The following ZNF24 variants were observed in gnomAD, a reference collection of about 807,000 sequenced individuals.
The protein encoded by ZNF24 is retinoic acid suppression protein A.
In ZNF24, 11 loss-of-function variants were observed where a neutral mutation model predicts 40.9. That is an observed-to-expected ratio of 0.27 (90% CI 0.17 to 0.45). ZNF24 has a LOEUF of 0.45. ZNF24 is among the 20% of genes least tolerant of loss of function. ZNF24 has a pLI of 1.00. For missense variants in ZNF24, 293 were observed against 437.7 expected (o/e 0.67, Z 2.95); for synonymous variants, 139 against 154.7 (o/e 0.90, Z 0.75).
Position 35,339,887 on chromosome 18 carries a change from A to C in ZNF24, c.510T>G (p.Asp170Glu). Residue 170 changes from aspartate to glutamate, a missense_variant, in exon 3 of 4, where the codon GAT (aspartate) becomes GAG (glutamate). Physicochemically the swap from Asp to Glu is conservative, Grantham distance 45. This residue lies in a region of ZNF24 where 234 missense variants were observed against 299.2 expected (regional missense o/e 0.78). Transcript: ENST00000261332. ...EAQGLPSSEL[D>E]AVENQLKWAS... ...CCCACTTGAGCTGGTTCTCCACAGC[A>C]TCAAGCTCAGAACTTGGTAATCCCT... is the stretch of plus-strand genomic sequence containing the variant. 1.2e-6 allele frequency: 2 copies of C among 1,613,352 alleles called. No homozygotes were observed. The highest frequency in any genetic ancestry group is 1.7e-6 in the Non-Finnish European group (2 of 1,179,302).
intron 3 of ZNF24, 98 bp downstream of exon 3, chr18:35,339,731 G>A: frequency 2.7e-6 from 3 of 1,110,128 alleles, no homozygotes; most frequent in Non-Finnish European, 2.5e-6. Context: ...TAGATTAAGA[G>A]TGATATGATC....
intron 1 of ZNF24, among the ~76,000 whole-genome samples, chr18:35,341,077 T>A (rs1439911868): frequency 6.6e-6 from 1 of 152,152 alleles, no homozygotes; most frequent in Non-Finnish European, 1.5e-5. Flanking sequence ...GAAAATGATA[T>A]GAAATTAACA....
At chr18:35,338,211 A>C (rs1436623639) in intron 3 of ZNF24, 2 of 986,112 alleles carry the variant, frequency 2.0e-6, no homozygotes, top group Non-Finnish European at 1.2e-6. Context: ...AACATGTCAG[A>C]AAGTGGCTAT....
chr18:35,335,341 TATC>T lies in ZNF24; in HGVS notation c.*1888_*1890del, dbSNP rs1382627593. On this transcript the variant is annotated 3_prime_UTR_variant, in exon 4 of 4. Transcript: ENST00000261332. ...TTCTTGTATAACTTAAAATACATTA[TATC>T]ATTACTACATATTTATACTTCAATA... 2.6e-5 allele frequency: 4 copies of T among 152,212 alleles called. No homozygotes were observed. Among genetic ancestry groups the T allele is most frequent in the Admixed American group, 2.0e-4 (3 of 15,280 alleles). 9.4% of individuals were successfully genotyped at this position (152,212 alleles called of 1,614,324 possible).
intron 1 of ZNF24, among the ~76,000 whole-genome samples, chr18:35,342,095 T>C (rs573639389): frequency 5.9e-4 from 90 of 151,754 alleles, no homozygotes; most frequent in Middle Eastern, 6.8e-3. Flanking sequence ...ACTGGGGAGA[T>C]TGAGGCAGGA....
chr18:35,337,592 T>C lies in ZNF24; in HGVS notation c.747A>G (p.Lys249=). The part of the protein sequence containing the change: ...FERKRNPSRK[K]QHICDECGKH... Reference sequence around the variant, plus strand: ...TTCCACATTCATCACATATATGTTGTTTCTTTCGAGAGGGATTTCTCTTTC... The same window carrying C: ...TTCCACATTCATCACATATATGTTGCTTCTTTCGAGAGGGATTTCTCTTTC... Residue 249 remains lysine (K), a synonymous_variant, in exon 4 of 4, where the codon AAA becomes AAG. Coordinates refer to ENST00000261332, the MANE Select transcript of ZNF24 (RefSeq NM_006965.4). The C allele has an allele frequency of 2.5e-6, 4 of 1,614,172 alleles. No individual in the cohort carries two copies. Among genetic ancestry groups the C allele is most frequent in the Non-Finnish European group, 2.5e-6 (3 of 1,180,004 alleles).
rs866833258 is a variant in ZNF24, at chr18:35,335,520, C to T, written c.*1712G>A. On this transcript the variant is annotated 3_prime_UTR_variant, in exon 4 of 4. Transcript: ENST00000261332. Reference sequence around the variant, plus strand: ...CAAAATCTCACCTTCCATTTTTAAACTTGATCCAAGCACCAGATATAACCA... The same window carrying T: ...CAAAATCTCACCTTCCATTTTTAAATTTGATCCAAGCACCAGATATAACCA... The T allele has an allele frequency of 6.6e-6, 1 of 152,086 alleles. No homozygotes were observed. The highest frequency in any genetic ancestry group is 6.6e-5 in the Admixed American group (1 of 15,260). 9.4% of individuals were successfully genotyped at this position (152,086 alleles called of 1,614,324 possible). A position where few individuals can be genotyped will look rare whatever the true frequency, so the allele number is the denominator to read the frequency against.
At position 35,333,378 on chromosome 18, in the gene ZNF24, T is replaced by G. The variant is rs1405686051; in HGVS notation, c.*3854A>C. 6.6e-6 allele frequency: 1 copy of G among 152,186 alleles called. No individual in the cohort carries two copies. The highest frequency in any genetic ancestry group is 2.4e-5 in the African/African-American group (1 of 41,448). 9.4% of individuals were successfully genotyped at this position (152,186 alleles called of 1,614,324 possible). On this transcript the variant is annotated 3_prime_UTR_variant, in exon 4 of 4. Coordinates refer to ENST00000261332, the MANE Select transcript of ZNF24 (RefSeq NM_006965.4). ...TTCGTACGGAAAGGTGACTAGAGGA[T>G]GTATGTTAAACTGTGGTAAGTGGAA...
rs2044919847 is a variant in ZNF24 at position 35,337,223 on chromosome 18, T to C, written c.*9A>G. 1 of 1,430,156 alleles carries C rather than the reference T, an allele frequency of 7.0e-7. No individual in the cohort carries two copies. Among genetic ancestry groups the C allele is most frequent in the African/African-American group, 1.4e-5 (1 of 70,120 alleles). 88.6% of individuals were successfully genotyped at this position (1,430,156 alleles called of 1,614,324 possible). ...CCTGAGTGCTGATTCTTTTTTTTTT[T>C]TCAATTTCTTAAACTTTCACAACAT... On this transcript the variant is annotated 3_prime_UTR_variant, in exon 4 of 4. Transcript: ENST00000261332.
intron 3 of ZNF24, chr18:35,338,734 G>T (rs2044936735): frequency 8.4e-7 from 1 of 1,189,830 alleles, no homozygotes; most frequent in Non-Finnish European, 1.0e-6. Flanking sequence ...AGAGGAGCGT[G>T]AAGATTAAGT....
At chr18:35,337,935 T>A in intron 3 of ZNF24, 165 bp from the exon 4 acceptor site, 1 of 596,900 alleles carries the variant, frequency 1.7e-6, no homozygotes, top group Non-Finnish European at 2.7e-6. Flanking sequence ...GAAATTACTC[T>A]GAATAACAGT....
intron 1 of ZNF24, chr18:35,342,564 A>G (rs1030954550): frequency 8.6e-5 from 13 of 150,920 alleles, no homozygotes; most frequent in African/African-American, 3.2e-4. Context: ...CAAACATTTT[A>G]TATCATATTT....
intron 1 of ZNF24, among the ~76,000 whole-genome samples, chr18:35,343,351 T>TA (rs1410729779): frequency 1.3e-5 from 2 of 152,190 alleles, no homozygotes; most frequent in Non-Finnish European, 2.9e-5. Context: ...GTCTTGTCCT[T>TA]ACACTGGAGG....
rs765313707 is a variant in ZNF24, at chr18:35,340,664, A to G, written c.-14T>C. On this transcript the variant is annotated 5_prime_UTR_variant, in exon 2 of 4. Transcript: ENST00000261332. This position sits in a 1 kb window ranked among gnomAD's most constrained non-coding sequence, Gnocchi z 4.6. The stretch of plus-strand genomic sequence containing the variant: ...CTGTGCAGACATTCTGATTTATAAT[A>G]TTTCAAGAAAAGACAACTGAGGCAG... 67 of 1,603,314 alleles carry G rather than the reference A, an allele frequency of 4.2e-5. No homozygotes were observed. Among genetic ancestry groups the G allele is most frequent in the Non-Finnish European group, 5.4e-5 (64 of 1,175,534 alleles).
At position 35,337,669 on chromosome 18, in the gene ZNF24, G is replaced by T. The variant is rs753280888; in HGVS notation, c.670C>A (p.Pro224Thr). ...GTTTCTCCATATTTAAAAATTTGAGGAACACCCATATTGAGAGTGCCAGGA... is the reference window on the plus strand; with the variant it reads ...GTTTCTCCATATTTAAAAATTTGAGTAACACCCATATTGAGAGTGCCAGGA... ...EVPGTLNMGV[P>T]QIFKYGETCF... Residue 224 changes from proline (P) to threonine (T), a missense_variant, in exon 4 of 4, where the codon CCT becomes ACT. Coordinates refer to ENST00000261332, the MANE Select transcript of ZNF24 (RefSeq NM_006965.4). The T allele has an allele frequency of 1.9e-5, 30 of 1,613,800 alleles. No homozygotes were observed. In the East Asian group the frequency reaches 4.9e-4, roughly 26 times the overall value.
rs151335329 is a variant in ZNF24, at chr18:35,336,008, A to G, written c.*1224T>C. On this transcript the variant is annotated 3_prime_UTR_variant, in exon 4 of 4. Transcript: ENST00000261332. Reference sequence around the variant, plus strand: ...GCCGAGTCCTCCTCCCCCTCCAAATACAACACCCTGGTAAAAAAAACTACA... The same window carrying G: ...GCCGAGTCCTCCTCCCCCTCCAAATGCAACACCCTGGTAAAAAAAACTACA... 2.6e-5 allele frequency: 4 copies of G among 152,490 alleles called. No individual in the cohort carries two copies. Among genetic ancestry groups the G allele is most frequent in the African/African-American group, 9.6e-5 (4 of 41,472 alleles). 9.4% of individuals were successfully genotyped at this position (152,490 alleles called of 1,614,324 possible). A position where few individuals can be genotyped will look rare whatever the true frequency, so the allele number is the denominator to read the frequency against.
chr18:35,337,213 T>A lies in ZNF24; in HGVS notation c.*19A>T. The stretch of plus-strand genomic sequence containing the variant: ...AAGAAAAAGACCTGAGTGCTGATTC[T>A]TTTTTTTTTTTCAATTTCTTAAACT... On this transcript the variant is annotated 3_prime_UTR_variant, in exon 4 of 4. Coordinates refer to ENST00000261332, the MANE Select transcript of ZNF24 (RefSeq NM_006965.4). The A allele has an allele frequency of 1.7e-6, 1 of 580,100 alleles. No homozygotes were observed. Among genetic ancestry groups the A allele is most frequent in the Non-Finnish European group, 2.4e-6 (1 of 421,632 alleles). The allele number at this position is 580,100 out of a possible 1,614,324, so 35.9% of individuals were successfully genotyped here. A position where few individuals can be genotyped will look rare whatever the true frequency, so the allele number is the denominator to read the frequency against.
intron 3 of ZNF24, among the ~76,000 whole-genome samples, chr18:35,339,476 T>C (rs748637654): frequency 1.3e-5 from 2 of 152,144 alleles, no homozygotes; most frequent in South Asian, 4.1e-4. Context: ...ACTGTACCAA[T>C]GGAATTAGGC....
At chr18:35,341,119 A>G (rs1262267381) in intron 1 of ZNF24, among the ~76,000 whole-genome samples, 1 of 152,216 alleles carries the variant, frequency 6.6e-6, no homozygotes, top group Non-Finnish European at 1.5e-5. Context: ...GTACTTACTC[A>G]TACTTCACGC....
Sources: gnomAD v4.1 joint callset for allele counts (sites outside exome capture counted in the v4.1 genomes callset) on GRCh38, gnomAD v4.1.1 for gene constraint, gnomAD v4.1.1 regional missense constraint, Gnocchi (gnomAD v3.1) non-coding constraint, MANE v1.5 for transcripts, NCBI Gene and HGNC (gene_info 2026-07-23, HGNC 2026-07-21) for gene names.